UROS: variants seen among roughly 807,000 people sequenced by gnomAD.
UROS encodes uroporphyrinogen-III synthase.
In UROS, 18 loss-of-function variants were observed where a neutral mutation model predicts 33.0. That is an observed-to-expected ratio of 0.55 (90% CI 0.38 to 0.81). The LOEUF is 0.81. Ranked by LOEUF, UROS falls within the 30% of genes least tolerant of loss-of-function variation. UROS has a pLI of 0.00. For missense variants in UROS, 293 were observed against 314.9 expected (o/e 0.93, Z 0.53); for synonymous variants, 114 against 121.1 (o/e 0.94, Z 0.38).
intron 5 of UROS, among the ~76,000 whole-genome samples, chr10:125,809,632 A>G (rs530132207): frequency 8.5e-5 from 13 of 152,382 alleles, no homozygotes; most frequent in African/African-American, 2.9e-4. Flanking sequence ...GTTTCATTAT[A>G]TATCATTTCA....
At chr10:125,818,457 C>T (rs2133962096) in intron 1 of UROS, among the ~76,000 whole-genome samples, 2 of 152,042 alleles carry the variant, frequency 1.3e-5, no homozygotes, top group Middle Eastern at 6.8e-3. Context: ...CGTGCCACTG[C>T]ACTCCAGCCT....
chr10:125,788,764 G>C lies in UROS; in HGVS notation c.*104C>G. The C allele has an allele frequency of 5.4e-6, 8 of 1,475,476 alleles. No homozygotes were observed. Among genetic ancestry groups the C allele is most frequent in the Non-Finnish European group, 7.2e-6 (8 of 1,113,554 alleles). 91.4% of individuals were successfully genotyped at this position (1,475,476 alleles called of 1,614,324 possible). A position where few individuals can be genotyped will look rare whatever the true frequency, so the allele number is the denominator to read the frequency against. The stretch of plus-strand genomic sequence containing the variant: ...GTGCTTCCACTCAGGCTTGAGGCAG[G>C]AGTCTGACGGCAGCAGCTCCCGAGA... On this transcript the variant is annotated 3_prime_UTR_variant, in exon 10 of 10. Coordinates refer to ENST00000368797, the MANE Select transcript of UROS (RefSeq NM_000375.3).
chr10:125,802,423 C>T (rs1166225939), intron 6 of UROS: 2 of 985,736 alleles, frequency 2.0e-6, no homozygotes, highest in African/African-American at 3.5e-5. Flanking sequence ...CCCAGCAATC[C>T]AGTCTGGAAC....
intron 7 of UROS, among the ~76,000 whole-genome samples, chr10:125,797,379 G>A (rs964591700): frequency 2.0e-5 from 3 of 152,166 alleles, no homozygotes; most frequent in Non-Finnish European, 4.4e-5. Context: ...CACAGATAAG[G>A]ATACTGATGC....
intron 9 of UROS, chr10:125,794,453 A>G (rs1228848160): frequency 1.6e-5 from 12 of 739,054 alleles, no homozygotes; most frequent in Non-Finnish European, 1.9e-5. Context: ...CTAGTAAGTG[A>G]GAATGTAAAC....
chr10:125,819,961 T>C (rs977348836), intron 1 of UROS: 14 of 151,732 alleles, frequency 9.2e-5, no homozygotes, highest in East Asian at 3.9e-4. Flanking sequence ...TCATCAATCA[T>C]TGATGAAAAA....
chr10:125,793,198 T>C (rs1410216085), intron 9 of UROS: 2 of 152,222 alleles, frequency 1.3e-5, no homozygotes, highest in Non-Finnish European at 2.9e-5. Flanking sequence ...ATGCTGAGTA[T>C]CCATTTGTGC....
chr10:125,816,694 T>C (rs953074926), intron 1 of UROS, 169 bp from the exon 2 acceptor site: 4 of 661,482 alleles, frequency 6.0e-6, no homozygotes, highest in South Asian at 3.6e-5. Flanking sequence ...TGAAGACCCC[T>C]GTCACTGATA....
In UROS at chr10:125,818,203, C is replaced by A. The variant is rs577105631; in HGVS notation, c.-26-1678G>T. The stretch of plus-strand genomic sequence containing the variant: ...AAAGCATTTCTAATATAAAATTAGG[C>A]CAGGACAGTGGTTCATGCCTGGTAA... On this transcript the variant is annotated intron_variant, in intron 1 of 9. Coordinates refer to ENST00000368797, the MANE Select transcript of UROS (RefSeq NM_000375.3). Among the ~76,000 whole-genome samples the A allele has an allele frequency of 7.9e-5, 12 of 152,254 alleles. No individual in the cohort carries two copies. The South Asian group carries it at 2.5e-3, about 32-fold the overall frequency.
chr10:125,802,839 A>G, intron 6 of UROS: 1 of 1,491,950 alleles, frequency 6.7e-7, no homozygotes, highest in Non-Finnish European at 8.9e-7. Context: ...AGATGAGTTG[A>G]GGTCAGGAGG....
chr10:125,786,765 G>A (rs556011014), downstream of UROS, among the ~76,000 whole-genome samples: 13 of 152,306 alleles, frequency 8.5e-5, no homozygotes, highest in Admixed American at 5.9e-4. Flanking sequence ...GGGAGGGTGA[G>A]CAGAAGAAAT....
At chr10:125,795,774 C>A (rs1249377285) in intron 8 of UROS, among the ~76,000 whole-genome samples, 1 of 152,158 alleles carries the variant, frequency 6.6e-6, no homozygotes, top group East Asian at 1.9e-4. Context: ...CTCCTTTAAC[C>A]CCTATAAAAA....
At chr10:125,796,219 AC>A in intron 7 of UROS, 31 bp from the exon 8 acceptor site, 2 of 1,609,190 alleles carry the variant, frequency 1.2e-6, no homozygotes, top group Non-Finnish European at 1.7e-6. Context: ...GAAAGACTTT[AC>A]CGCACTGGGC....
intron 6 of UROS, among the ~76,000 whole-genome samples, chr10:125,800,782 C>T (rs948245359): frequency 6.6e-6 from 1 of 152,000 alleles, no homozygotes; most frequent in Admixed American, 6.6e-5. Context: ...AACTCCTGAC[C>T]TGGTCTCAAA....
chr10:125,789,783 G>T (rs1231761727), intron 9 of UROS, among the ~76,000 whole-genome samples: 1 of 152,208 alleles, frequency 6.6e-6, no homozygotes, highest in Non-Finnish European at 1.5e-5. Context: ...CACTGCTTCT[G>T]TCCCGGCTCT....
At chr10:125,816,299 G>A (rs532155937) in intron 2 of UROS, 39 bp from the exon 3 acceptor site, 1 of 1,608,450 alleles carries the variant, frequency 6.2e-7, no homozygotes, top group African/African-American at 1.3e-5. Context: ...GGCTAGGGCT[G>A]TTTTTAAAAT....
chr10:125,818,640 G>A (rs1007143944), intron 1 of UROS, among the ~76,000 whole-genome samples: 7 of 152,118 alleles, frequency 4.6e-5, no homozygotes, highest in African/African-American at 1.7e-4. Flanking sequence ...CGCCACCTTG[G>A]GCTTTAGGAA....
chr10:125,806,696 C>T (rs1159802122), intron 6 of UROS, among the ~76,000 whole-genome samples: 1 of 152,142 alleles, frequency 6.6e-6, no homozygotes, highest in African/African-American at 2.4e-5. Flanking sequence ...ACTTCATGCT[C>T]TCATGGGGGT....
In UROS at chr10:125,816,519, T is replaced by A; in HGVS notation, c.-20A>T. 1 of 1,614,150 alleles carries A rather than the reference T, an allele frequency of 6.2e-7. No homozygotes were observed. Among genetic ancestry groups the A allele is most frequent in the East Asian group, 2.2e-5 (1 of 44,880 alleles). Reference sequence around the variant, plus strand: ...CTTCATTATTGCCTGGCAGTCCTTATAGGGCACTGCGACAGAGCAAGGAAA... The same window carrying A: ...CTTCATTATTGCCTGGCAGTCCTTAAAGGGCACTGCGACAGAGCAAGGAAA... On this transcript the variant is annotated 5_prime_UTR_variant, in exon 2 of 10. Transcript: ENST00000368797.
Sources: allele counts gnomAD v4.1 joint callset (sites outside exome capture counted in the v4.1 genomes callset), GRCh38; gene constraint gnomAD v4.1.1; transcripts MANE v1.5; gene names NCBI Gene and HGNC (gene_info 2026-07-23, HGNC 2026-07-21).